XKR6: variants seen among roughly 807,000 people sequenced by gnomAD.
XKR6 encodes the protein XK-related protein 6.
In XKR6, 22 loss-of-function variants were observed where a neutral mutation model predicts 56.7. That is an observed-to-expected ratio of 0.39 (90% CI 0.28 to 0.55). The LOEUF is 0.55. XKR6 is among the 20% of genes least tolerant of loss of function. XKR6 has a pLI of 0.66. For missense variants in XKR6, 852 were observed against 889.0 expected (o/e 0.96, Z 0.53); for synonymous variants, 524 against 387.8 (o/e 1.35, Z -4.13).
In XKR6 at chr8:11,134,649, G is replaced by C. The variant is rs537503463; in HGVS notation, c.764+65927C>G. Among the ~76,000 whole-genome samples, 13 of 152,098 alleles carry C rather than the reference G, an allele frequency of 8.5e-5. No homozygotes were observed. In the South Asian group the frequency reaches 2.1e-3, roughly 24 times the overall value. On this transcript the variant is annotated intron_variant, in intron 1 of 2. Coordinates refer to ENST00000416569, the MANE Select transcript of XKR6 (RefSeq NM_173683.4). The stretch of plus-strand genomic sequence containing the variant: ...GGATGGTTCTTTTTACTGTGAGTTG[G>C]AGTGTAAACTGGTACAACCGTTTAT...
chr8:10,996,946 G>A (rs1206044395), intron 1 of XKR6, among the ~76,000 whole-genome samples: 3 of 152,072 alleles, frequency 2.0e-5, no homozygotes, highest in Non-Finnish European at 2.9e-5. Context: ...TCCAGCCTGG[G>A]CAATAGAGAG....
In XKR6 at chr8:11,003,981, G is replaced by A. The variant is rs59437817; in HGVS notation, c.765-79151C>T. 4.2e-3 allele frequency among the ~76,000 whole-genome samples: 632 copies of A among 152,246 alleles called. 8 individuals are homozygous for A. Among genetic ancestry groups the A allele is most frequent in the African/African-American group, 0.014 (596 of 41,540 alleles). On this transcript the variant is annotated intron_variant, in intron 1 of 2. Coordinates refer to ENST00000416569, the MANE Select transcript of XKR6 (RefSeq NM_173683.4). ...AGCAGGTGCAAAAGCAGAGAGTGGCGAAGGAAGGGCGGGTGGCTGTGGAGT... is the reference window on the plus strand; with the variant it reads ...AGCAGGTGCAAAAGCAGAGAGTGGCAAAGGAAGGGCGGGTGGCTGTGGAGT...
At chr8:10,914,087 C>CT (rs1432232760) in intron 2 of XKR6, among the ~76,000 whole-genome samples, 30 of 152,180 alleles carry the variant, frequency 2.0e-4, no homozygotes, top group African/African-American at 6.8e-4. Flanking sequence ...TCTGACCAAC[C>CT]TAACACCTCA....
At chr8:11,095,062 G>GT (rs1339549088) in intron 1 of XKR6, among the ~76,000 whole-genome samples, 7 of 152,178 alleles carry the variant, frequency 4.6e-5, no homozygotes, top group African/African-American at 1.7e-4. Flanking sequence ...AAGAAAAAAA[G>GT]TAGGCTGATA....
chr8:11,051,731 G>A (rs1037962285), intron 1 of XKR6, among the ~76,000 whole-genome samples: 7 of 152,104 alleles, frequency 4.6e-5, no homozygotes, highest in Non-Finnish European at 8.8e-5. Flanking sequence ...ACAGCAGCCA[G>A]AATGAAGGAT....
At chr8:11,135,799 A>G (rs1289922160) in intron 1 of XKR6, among the ~76,000 whole-genome samples, 1 of 152,002 alleles carries the variant, frequency 6.6e-6, no homozygotes, top group African/African-American at 2.4e-5. Flanking sequence ...TAAATTCAAG[A>G]TCTAAATAAT....
chr8:11,107,512 C>T (rs1050641678), intron 1 of XKR6, among the ~76,000 whole-genome samples: 4 of 152,092 alleles, frequency 2.6e-5, no homozygotes, highest in African/African-American at 9.7e-5. Flanking sequence ...CCTTTGTGCT[C>T]GACGTTATCC....
At chr8:10,923,640 G>T (rs970165206) in intron 2 of XKR6, among the ~76,000 whole-genome samples, 6 of 152,254 alleles carry the variant, frequency 3.9e-5, no homozygotes, top group African/African-American at 1.2e-4. Flanking sequence ...AAAGGCCTGG[G>T]GCAGCGTGGC....
rs745909634 is a variant in XKR6 at position 10,898,964 on chromosome 8, C to T, written c.962-48G>A. On this transcript the variant is annotated intron_variant, in intron 2 of 2. Transcript: ENST00000416569. This position sits in a 1 kb window ranked among gnomAD's most constrained non-coding sequence, Gnocchi z 6.6. Reference sequence around the variant, plus strand: ...CACAGTCAAAACCTTGGACATCAACCGCAGGGCACAGTGAAGCTGCCGGCT... The same window carrying T: ...CACAGTCAAAACCTTGGACATCAACTGCAGGGCACAGTGAAGCTGCCGGCT... 2.4e-5 allele frequency: 37 copies of T among 1,537,024 alleles called. No individual in the cohort carries two copies. The highest frequency in any genetic ancestry group is 4.0e-5 in the Admixed American group (2 of 50,216).
At chr8:10,986,599 C>T (rs1032997884) in intron 1 of XKR6, among the ~76,000 whole-genome samples, 1 of 152,088 alleles carries the variant, frequency 6.6e-6, no homozygotes, top group African/African-American at 2.4e-5. Context: ...GTGTGGGAGG[C>T]AGTAGAATGT....
At chr8:11,171,327 C>G (rs1216725329) in intron 1 of XKR6, among the ~76,000 whole-genome samples, 1 of 152,250 alleles carries the variant, frequency 6.6e-6, no homozygotes, top group Non-Finnish European at 1.5e-5. Flanking sequence ...GAAAAATATC[C>G]TGTCGTCTAC....
intron 1 of XKR6, among the ~76,000 whole-genome samples, chr8:11,090,202 G>A (rs139618844): frequency 7.0e-4 from 107 of 152,092 alleles, no homozygotes; most frequent in African/African-American, 2.4e-3. Flanking sequence ...CTCCCACCTC[G>A]GCCTCTCACG....
intron 1 of XKR6, among the ~76,000 whole-genome samples, chr8:11,051,312 C>T (rs1409041154): frequency 1.3e-5 from 2 of 152,114 alleles, no homozygotes; most frequent in Non-Finnish European, 2.9e-5. Flanking sequence ...CTGCCTGTCT[C>T]TCCAGTCTCC....
intron 1 of XKR6, among the ~76,000 whole-genome samples, chr8:11,093,044 C>T (rs558609338): frequency 1.1e-4 from 17 of 151,652 alleles, no homozygotes; most frequent in Admixed American, 4.6e-4. Flanking sequence ...CTCTTTCTTT[C>T]TCTTTCTTTT....
intron 2 of XKR6, among the ~76,000 whole-genome samples, chr8:10,907,051 A>G (rs1038452825): frequency 6.6e-6 from 1 of 152,148 alleles, no homozygotes; most frequent in African/African-American, 2.4e-5. Flanking sequence ...CATCTCAGAA[A>G]AAAAAAAGAA....
intron 1 of XKR6, among the ~76,000 whole-genome samples, chr8:11,039,532 C>T (rs60173484): frequency 0.015 from 2,209 of 152,320 alleles, 54 homozygotes; most frequent in African/African-American, 0.051. Flanking sequence ...TGGGCCTTGA[C>T]GGACCCATGG....
intron 1 of XKR6, among the ~76,000 whole-genome samples, chr8:10,954,866 C>CCTTTTTTTTTTTTTTTTTTTTTTTTTTTT (rs1554515116): frequency 1.1e-5 from 1 of 92,794 alleles, no homozygotes; most frequent in African/African-American, 4.3e-5. Flanking sequence ...ACTTCATTCT[C>CCTTTTTTTTTTTTTTTTTTTTTTTTTTTT]TTTTTTTTTT....
intron 1 of XKR6, among the ~76,000 whole-genome samples, chr8:11,017,293 C>G (rs1308266289): frequency 6.6e-6 from 1 of 152,176 alleles, no homozygotes; most frequent in Non-Finnish European, 1.5e-5. Context: ...AAGGGACAAC[C>G]CGGACCCCAG....
At chr8:11,163,279 C>G (rs1801911621) in intron 1 of XKR6, among the ~76,000 whole-genome samples, 1 of 152,170 alleles carries the variant, frequency 6.6e-6, no homozygotes, top group African/African-American at 2.4e-5. Context: ...AAAGTATAAG[C>G]ATTGCACAGC....
Sources: allele counts gnomAD v4.1 joint callset (sites outside exome capture counted in the v4.1 genomes callset), GRCh38; gene constraint gnomAD v4.1.1; non-coding constraint Gnocchi (gnomAD v3.1); transcripts MANE v1.5; gene names NCBI Gene and HGNC (gene_info 2026-07-23, HGNC 2026-07-21).